The following NCAM2 variants were observed in gnomAD, a reference collection of about 807,000 sequenced individuals.
The protein encoded by NCAM2 is neural cell adhesion molecule 2.
Under a neutral mutation model 98.1 loss-of-function variants are expected in NCAM2, and 30 were observed. The ratio of observed to expected loss-of-function variants is 0.31; its 90% CI spans 0.23 to 0.41. NCAM2 has a LOEUF of 0.41. NCAM2 is among the 10% of genes least tolerant of loss of function. The probability of loss-of-function intolerance (pLI) is 1.00; values close to 1 mark genes in which losing one functional copy is unlikely to be tolerated. For missense variants in NCAM2, 867 were observed against 1,005.8 expected (o/e 0.86, Z 1.87); for synonymous variants, 368 against 342.4 (o/e 1.07, Z -0.83).
At chr21:21,347,992 C>G (rs1254400857) in intron 8 of NCAM2, among the ~76,000 whole-genome samples, 1 of 151,940 alleles carries the variant, frequency 6.6e-6, no homozygotes, top group Non-Finnish European at 1.5e-5. Context: ...TACGACAGAC[C>G]TACAGCTAGT....
At chr21:21,185,485 A>C (rs190309820) in intron 1 of NCAM2, among the ~76,000 whole-genome samples, 197 of 152,284 alleles carry the variant, frequency 1.3e-3, no homozygotes, top group Non-Finnish European at 1.8e-3. Context: ...ACTTGTAAAA[A>C]ATTGCCTTTT....
At chr21:21,535,464 T>G (rs1423272037) in intron 17 of NCAM2, among the ~76,000 whole-genome samples, 1 of 152,110 alleles carries the variant, frequency 6.6e-6, no homozygotes, top group Non-Finnish European at 1.5e-5. Flanking sequence ...GTAAACTGAT[T>G]TAGGTTTCTC....
intron 1 of NCAM2, among the ~76,000 whole-genome samples, chr21:21,215,657 G>A (rs1317120968): frequency 6.6e-6 from 1 of 152,108 alleles, no homozygotes; most frequent in Non-Finnish European, 1.5e-5. Flanking sequence ...GATCCCGGGA[G>A]GCAAAGATTG....
chr21:21,286,699 A>T (rs970418394), intron 4 of NCAM2, among the ~76,000 whole-genome samples: 1 of 151,894 alleles, frequency 6.6e-6, no homozygotes, highest in East Asian at 1.9e-4. Flanking sequence ...GGCTAAAAAA[A>T]ATATACAATC....
intron 1 of NCAM2, among the ~76,000 whole-genome samples, chr21:21,021,204 T>A (rs1297632279): frequency 6.6e-6 from 1 of 152,160 alleles, no homozygotes; most frequent in East Asian, 1.9e-4. Flanking sequence ...GTAAATTCTT[T>A]GTTATGGGCC....
At chr21:21,202,679 G>A (rs139866986) in intron 1 of NCAM2, among the ~76,000 whole-genome samples, 2,539 of 152,106 alleles carry the variant, frequency 0.017, 74 homozygotes, top group African/African-American at 0.058. Flanking sequence ...GCCTCCCAAA[G>A]TGCTGGGATT....
chr21:21,542,492 T>C lies in NCAM2; in HGVS notation c.*4535T>C, dbSNP rs1395193044. The C allele has an allele frequency of 6.6e-6, 1 of 151,914 alleles. No individual in the cohort carries two copies. The highest frequency in any genetic ancestry group is 1.5e-5 in the Non-Finnish European group (1 of 67,886). The allele number at this position is 151,914 out of a possible 1,614,324, so 9.4% of individuals were successfully genotyped here. ...TCTGGCCACACAACATTCAGAATTA[T>C]TGCTCATGTAAATTTAAATATTGCT... is the stretch of plus-strand genomic sequence containing the variant. On this transcript the variant is annotated 3_prime_UTR_variant, in exon 18 of 18. Coordinates refer to ENST00000400546, the MANE Select transcript of NCAM2 (RefSeq NM_004540.5).
chr21:21,379,362 A>G (rs866322315), intron 9 of NCAM2, among the ~76,000 whole-genome samples: 1 of 152,026 alleles, frequency 6.6e-6, no homozygotes, highest in Non-Finnish European at 1.5e-5. Flanking sequence ...TAGTATATGT[A>G]TTTTAGATAA....
intron 1 of NCAM2, among the ~76,000 whole-genome samples, chr21:21,156,807 A>G (rs1287939371): frequency 6.6e-6 from 1 of 152,222 alleles, no homozygotes; most frequent in East Asian, 1.9e-4. Flanking sequence ...TTACAATTAC[A>G]TGTGTAATGT....
At chr21:21,311,962 A>G (rs1005893438) in intron 5 of NCAM2, among the ~76,000 whole-genome samples, 2 of 152,188 alleles carry the variant, frequency 1.3e-5, no homozygotes, top group African/African-American at 2.4e-5. Context: ...GCAAATTGGA[A>G]AAGATTTCTT....
chr21:21,146,993 A>T lies in NCAM2; in HGVS notation c.56-133585A>T, dbSNP rs918770893. 5.7e-6 allele frequency: 4 copies of T among 707,126 alleles called. No individual in the cohort carries two copies. The East Asian group carries it at 5.9e-4, about 105-fold the overall frequency. 43.8% of individuals were successfully genotyped at this position (707,126 alleles called of 1,614,324 possible). A position where few individuals can be genotyped will look rare whatever the true frequency, so the allele number is the denominator to read the frequency against. On this transcript the variant is annotated intron_variant, in intron 1 of 17. Transcript: ENST00000400546. ...TCCGGAACTCAGACCGCTGCCTTCT[A>T]CTCCAGCACCAGTGGACTTCCTGAA...
At chr21:21,026,449 G>A (rs537435478) in intron 1 of NCAM2, among the ~76,000 whole-genome samples, 104 of 151,882 alleles carry the variant, frequency 6.8e-4, no homozygotes, top group East Asian at 2.3e-3. Context: ...ACCTGAGGTC[G>A]GGAGTTCGAG....
intron 1 of NCAM2, among the ~76,000 whole-genome samples, chr21:21,196,792 G>A (rs771008078): frequency 6.6e-6 from 1 of 152,184 alleles, no homozygotes; most frequent in East Asian, 1.9e-4. Flanking sequence ...TCTCATGCCC[G>A]CTTGTTATCC....
At chr21:21,188,920 G>A (rs1166352482) in intron 1 of NCAM2, among the ~76,000 whole-genome samples, 1 of 152,138 alleles carries the variant, frequency 6.6e-6, no homozygotes, top group Non-Finnish European at 1.5e-5. Flanking sequence ...TTTGATGTAA[G>A]GCCCCATTAT....
intron 1 of NCAM2, among the ~76,000 whole-genome samples, chr21:21,255,303 C>T (rs143531507): frequency 1.6e-4 from 24 of 152,250 alleles, no homozygotes; most frequent in African/African-American, 5.5e-4. Context: ...ATTGAAGAGA[C>T]TGAAATGTGC....
intron 1 of NCAM2, among the ~76,000 whole-genome samples, chr21:21,163,343 A>G (rs144040860): frequency 6.6e-6 from 1 of 152,266 alleles, no homozygotes; most frequent in East Asian, 1.9e-4. Context: ...GGGATGTAGG[A>G]AGGTAGAAGA....
At chr21:21,498,549 A>G (rs776645907) in intron 15 of NCAM2, among the ~76,000 whole-genome samples, 42 of 152,214 alleles carry the variant, frequency 2.8e-4, no homozygotes, top group Non-Finnish European at 5.3e-4. Flanking sequence ...AGTTTTATAT[A>G]TGATGACTGC....
chr21:21,416,838 T>C (rs1462747769), intron 10 of NCAM2, among the ~76,000 whole-genome samples: 1 of 152,102 alleles, frequency 6.6e-6, no homozygotes, highest in Non-Finnish European at 1.5e-5. Flanking sequence ...CTAGAATACA[T>C]CAAATAAGCT....
chr21:21,186,212 A>C (rs2068636037), intron 1 of NCAM2, among the ~76,000 whole-genome samples: 1 of 152,206 alleles, frequency 6.6e-6, no homozygotes, highest in African/African-American at 2.4e-5. Context: ...AAAGGTCACA[A>C]GGGTAATAGT....
Sources: allele counts gnomAD v4.1 joint callset (sites outside exome capture counted in the v4.1 genomes callset), GRCh38; gene constraint gnomAD v4.1.1; transcripts MANE v1.5; gene names NCBI Gene and HGNC (gene_info 2026-07-23, HGNC 2026-07-21).